The following PDXDC1 variants were observed in gnomAD, a reference collection of about 807,000 sequenced individuals.
The protein encoded by PDXDC1 is pyridoxal dependent decarboxylase domain containing 1, also known as pyridoxal-dependent decarboxylase domain-containing protein 1.
In PDXDC1, 42 loss-of-function variants were observed where a neutral mutation model predicts 100.1. The observed-to-expected ratio is 0.42, with a 90% CI of 0.33 to 0.54. The LOEUF is 0.54. PDXDC1 is among the 20% of genes least tolerant of loss of function. PDXDC1 has a pLI of 0.10. For missense variants in PDXDC1, 636 were observed against 979.2 expected, an observed-to-expected ratio of 0.65 and a Z score of 4.68; for synonymous variants, 260 against 371.7, an observed-to-expected ratio of 0.70 and a Z score of 3.46.
intron 16 of PDXDC1, chr16:15,131,476 C>T: frequency 6.2e-7 from 1 of 1,607,726 alleles, no homozygotes; most frequent in African/African-American, 1.3e-5. Flanking sequence ...CCCTGGGGCG[C>T]CGCCATAGCA....
downstream of PDXDC1, chr16:15,041,011 G>T (rs2043790744): frequency 8.3e-7 from 1 of 1,202,194 alleles, no homozygotes; most frequent in Non-Finnish European, 1.2e-6. Context: ...TGCTGAATTA[G>T]ACTTTAACTG....
chr16:14,995,610 G>A (rs1971794980), intron 1 of PDXDC1, among the ~76,000 whole-genome samples: 1 of 152,258 alleles, frequency 6.6e-6, no homozygotes, highest in Admixed American at 6.5e-5. Flanking sequence ...CTCTTTTTTT[G>A]TTGTGTCTCT....
At chr16:15,144,213 G>C (rs1229452014), downstream of PDXDC1, among the ~76,000 whole-genome samples, 1 of 152,212 alleles carries the variant, frequency 6.6e-6, no homozygotes, top group Non-Finnish European at 1.5e-5. Flanking sequence ...ACAGGGGACA[G>C]GCAGCAGTGC....
chr16:15,022,229 C>T lies in PDXDC1; in HGVS notation c.1090-475C>T, dbSNP rs1308827850. 9.8e-5 allele frequency among the ~76,000 whole-genome samples: 15 copies of T among 152,396 alleles called. No individual in the cohort carries two copies. In the South Asian group the frequency reaches 1.2e-3, roughly 13 times the overall value. ...AATGTGAGATACATACTATCCTCCC[C>T]ATTTTATAATTGAGGGAACTGAAGC... is the stretch of plus-strand genomic sequence containing the variant. On this transcript the variant is annotated intron_variant, in intron 12 of 22. Coordinates refer to ENST00000396410, the MANE Select transcript of PDXDC1 (RefSeq NM_015027.4).
At chr16:15,127,163 G>A (rs2047779886) in intron 16 of PDXDC1, 1 of 379,154 alleles carries the variant, frequency 2.6e-6, no homozygotes, top group Middle Eastern at 9.1e-4. Flanking sequence ...TTCTTCTGGA[G>A]TGCATTTCGG....
intron 16 of PDXDC1, among the ~76,000 whole-genome samples, chr16:15,063,809 C>T (rs1408772440): frequency 1.3e-5 from 2 of 151,762 alleles, no homozygotes; most frequent in Admixed American, 6.6e-5. Flanking sequence ...TCACTCATGT[C>T]GATGGAGTAT....
chr16:15,061,892 T>C (rs1411174389), intron 16 of PDXDC1: 1 of 1,612,502 alleles, frequency 6.2e-7, no homozygotes, highest in Admixed American at 1.7e-5. Context: ...ATCATCTTCA[T>C]CTTCCACTAT....
chr16:15,001,740 G>C, intron 3 of PDXDC1, 36 bp from the exon 4 acceptor site: 1 of 1,542,634 alleles, frequency 6.5e-7, no homozygotes, highest in Non-Finnish European at 8.8e-7. Flanking sequence ...GATGTGTGCT[G>C]TTCCCATCAG....
At position 15,137,927 on chromosome 16, in the gene PDXDC1, CGGGGCA is replaced by C. The variant is rs1184442379; in HGVS notation, c.1400-943_1400-938del. 1.2e-3 allele frequency: 1,144 copies of C among 975,524 alleles called. 3 individuals carry two copies. Among genetic ancestry groups the C allele is most frequent in the Non-Finnish European group, 1.5e-3 (967 of 634,718 alleles). 60.4% of individuals were successfully genotyped at this position (975,524 alleles called of 1,614,324 possible). On this transcript the variant is annotated intron_variant, in intron 16 of 16. Coordinates refer to the PDXDC1 transcript ENST00000535621. ...AAACGGGTTCCCACTCAGGTTTCTG[CGGGGCA>C]GGGGCAGGTGTTGGGGACCAGGTCT...
At chr16:15,054,090 G>T (rs2044403563) in intron 16 of PDXDC1, among the ~76,000 whole-genome samples, 1 of 152,190 alleles carries the variant, frequency 6.6e-6, no homozygotes, top group Non-Finnish European at 1.5e-5. Flanking sequence ...CGGAGAAACT[G>T]GCCAGGACAC....
chr16:14,988,346 G>C, intron 1 of PDXDC1: 1 of 1,614,192 alleles, frequency 6.2e-7, no homozygotes. Flanking sequence ...AGAGGAAGAG[G>C]TGGAAGAGGG....
chr16:15,008,628 A>G, intron 6 of PDXDC1, 151 bp from the exon 7 acceptor site: 1 of 610,414 alleles, frequency 1.6e-6, no homozygotes, highest in Non-Finnish European at 2.8e-6. Flanking sequence ...TTCTAAATGT[A>G]CTTTAACATC....
At chr16:15,092,711 T>C (rs1313876179) in intron 16 of PDXDC1, 2 of 805,048 alleles carry the variant, frequency 2.5e-6, no homozygotes, top group African/African-American at 1.7e-5. Flanking sequence ...GTGGAACTAT[T>C]GTTAAGGCCT....
chr16:15,052,655 G>A (rs2044343254), intron 16 of PDXDC1, among the ~76,000 whole-genome samples: 1 of 152,126 alleles, frequency 6.6e-6, no homozygotes, highest in Non-Finnish European at 1.5e-5. Flanking sequence ...CCAACATGTT[G>A]AAGCCCCATC....
chr16:15,124,833 T>G lies in PDXDC1; in HGVS notation c.1400-14046T>G, dbSNP rs376622741. Reference sequence around the variant, plus strand: ...ACAAAAGTATGGAATTCAATTCTTTTTATATGCTGCAGCCATGTTCCAGCC... The same window carrying G: ...ACAAAAGTATGGAATTCAATTCTTTGTATATGCTGCAGCCATGTTCCAGCC... On this transcript the variant is annotated intron_variant, in intron 16 of 16. Transcript: ENST00000535621. Among the ~76,000 whole-genome samples the G allele has an allele frequency of 3.0e-4, 45 of 149,768 alleles. 1 individual carries two copies. The East Asian group carries it at 6.8e-3, about 23-fold the overall frequency.
At chr16:14,987,193 T>TC (rs1305910656) in intron 1 of PDXDC1, among the ~76,000 whole-genome samples, 2 of 152,302 alleles carry the variant, frequency 1.3e-5, no homozygotes, top group Admixed American at 1.3e-4. Flanking sequence ...GTCACTTTCT[T>TC]CCCAGGTGAA....
chr16:15,099,374 C>T (rs554357867), intron 16 of PDXDC1, among the ~76,000 whole-genome samples: 5 of 137,900 alleles, frequency 3.6e-5, no homozygotes, highest in African/African-American at 5.5e-5. Flanking sequence ...GAGCCAAGAT[C>T]GCAACACTGC....
chr16:15,034,466 C>A lies in PDXDC1; in HGVS notation c.1915C>A (p.Arg639=). 2 of 1,614,046 alleles carry A rather than the reference C, an allele frequency of 1.2e-6. No homozygotes were observed. Among genetic ancestry groups the A allele is most frequent in the Middle Eastern group, 3.3e-4 (2 of 6,010 alleles). ...TGGTCCTGTCTTGCAGGGGGTGTTGCGGCAGATCCCTGTAGTGGGCTCCGT... is the reference window on the plus strand; with the variant it reads ...TGGTCCTGTCTTGCAGGGGGTGTTGAGGCAGATCCCTGTAGTGGGCTCCGT... The part of the protein sequence containing the change: ...EERLLEEGVL[R]QIPVVGSVLN... The change falls in exon 21 of 23, where the codon CGG becomes AGG. Residue 639 remains arginine (R), a synonymous_variant. Coordinates refer to ENST00000396410, the MANE Select transcript of PDXDC1 (RefSeq NM_015027.4).
chr16:14,980,711 C>T, intron 1 of PDXDC1, among the ~76,000 whole-genome samples: 1 of 152,260 alleles, frequency 6.6e-6, no homozygotes, highest in East Asian at 1.9e-4. Context: ...TCCTGACCTC[C>T]ACCTCAGCCT....
Sources: gnomAD v4.1 joint callset for allele counts (sites outside exome capture counted in the v4.1 genomes callset) on GRCh38, gnomAD v4.1.1 for gene constraint, MANE v1.5 for transcripts, NCBI Gene and HGNC (gene_info 2026-07-23, HGNC 2026-07-21) for gene names.